LRRC75A: variants seen among roughly 807,000 people sequenced by gnomAD.
The protein encoded by LRRC75A is leucine rich repeat containing 75A, also known as leucine-rich repeat-containing protein 75A.
LRRC75A carries 12 observed loss-of-function variants against 26.0 expected under a neutral mutation model. The ratio of observed to expected loss-of-function variants is 0.46; its 90% confidence interval spans 0.30 to 0.75. The LOEUF is 0.75. Ranked by LOEUF, LRRC75A falls within the 30% of genes least tolerant of loss-of-function variation. The pLI is 0.08. For synonymous variants in LRRC75A, 223 were observed against 219.3 expected (o/e 1.02, Z -0.15); for missense variants, 410 against 486.6 (o/e 0.84, Z 1.48).
intron 1 of LRRC75A, among the ~76,000 whole-genome samples, chr17:16,485,066 T>C (rs1231096553): frequency 6.8e-6 from 1 of 147,420 alleles, no homozygotes; most frequent in East Asian, 2.0e-4. Flanking sequence ...TAGGAGGGGG[T>C]CCCCGCCCCT....
intron 2 of LRRC75A, among the ~76,000 whole-genome samples, chr17:16,453,005 T>C (rs8082268): frequency 0.61 from 92,218 of 151,774 alleles, 28,693 homozygotes; most frequent in Non-Finnish European, 0.66. Flanking sequence ...AAGAAGAGAA[T>C]AGAGGCCGGG....
In LRRC75A at chr17:16,450,786, G is replaced by C. The variant is rs538481735; in HGVS notation, c.376-2826C>G. 5.8e-4 allele frequency among the ~76,000 whole-genome samples: 88 copies of C among 152,328 alleles called. 1 individual carries two copies. The highest frequency in any genetic ancestry group is 2.0e-3 in the African/African-American group (84 of 41,568). ...TGGAGAGAGGGGTGGACAGGAGGTGGAGAGGATGACTCAGGGCCAGGCTAT... is the reference window on the plus strand; with the variant it reads ...TGGAGAGAGGGGTGGACAGGAGGTGCAGAGGATGACTCAGGGCCAGGCTAT... On this transcript the variant is annotated intron_variant, in intron 2 of 3. Transcript: ENST00000470794.
Position 16,447,870 on chromosome 17 carries a change from G to GC in LRRC75A, c.465dup (p.Leu156AlafsTer97), listed in dbSNP as rs1225608556. Reference sequence around the variant, plus strand: ...CAGGCCTGTGGCTTCCTTTTCACCAGCCCCCGGTGCCGCCTCCACTGGGAG... The same window carrying GC: ...CAGGCCTGTGGCTTCCTTTTCACCAGCCCCCCGGTGCCGCCTCCACTGGGAG... On this transcript the variant is annotated frameshift_variant, in exon 3 of 4. Transcript: ENST00000470794. LOFTEE classifies it high-confidence loss of function. 7.1e-6 allele frequency: 11 copies of GC among 1,548,712 alleles called. No individual in the cohort carries two copies. The highest frequency in any genetic ancestry group is 9.6e-6 in the Non-Finnish European group (11 of 1,146,146).
chr17:16,453,699 C>T (rs1014955180), intron 2 of LRRC75A, among the ~76,000 whole-genome samples: 5 of 152,164 alleles, frequency 3.3e-5, no homozygotes, highest in Non-Finnish European at 7.3e-5. Flanking sequence ...GAACACAATT[C>T]CAAAGCATGG....
In LRRC75A at chr17:16,491,663, C is replaced by T. The variant is rs1475290784; in HGVS notation, c.246+82G>A. 2.0e-5 allele frequency: 21 copies of T among 1,070,702 alleles called. No individual in the cohort carries two copies. In the East Asian group the frequency reaches 7.7e-4, roughly 39 times the overall value. 66.3% of individuals were successfully genotyped at this position (1,070,702 alleles called of 1,614,324 possible). ...GGTGCCCCTCGGTGCCCCCGGCTTC[C>T]TCGGTTAGGGATGGGGCGCCCCCCC... is the stretch of plus-strand genomic sequence containing the variant. On this transcript the variant is annotated intron_variant, in intron 1 of 3. Coordinates refer to ENST00000470794, the MANE Select transcript of LRRC75A (RefSeq NM_001113567.3). This position sits in a 1 kb window ranked among gnomAD's most constrained non-coding sequence, Gnocchi z 5.9.
chr17:16,472,904 G>C (rs1204732226), intron 1 of LRRC75A, among the ~76,000 whole-genome samples: 1 of 152,094 alleles, frequency 6.6e-6, no homozygotes, highest in African/African-American at 2.4e-5. Context: ...ATAAACTTAA[G>C]AACACTGGTT....
intron 2 of LRRC75A, among the ~76,000 whole-genome samples, chr17:16,454,052 C>T (rs1459832701): frequency 6.6e-6 from 1 of 152,202 alleles, no homozygotes; most frequent in Non-Finnish European, 1.5e-5. Flanking sequence ...TTTGTCCAAT[C>T]GCATTTCTAC....
chr17:16,460,020 C>A (rs192935631), intron 2 of LRRC75A, among the ~76,000 whole-genome samples: 13 of 152,268 alleles, frequency 8.5e-5, no homozygotes, highest in Admixed American at 7.2e-4. Context: ...CGTGTTGAAA[C>A]CTAATCCCCA....
At chr17:16,456,483 GGAGGAA>G (rs1295715351) in intron 2 of LRRC75A, among the ~76,000 whole-genome samples, 8 of 151,488 alleles carry the variant, frequency 5.3e-5, no homozygotes, top group East Asian at 3.9e-4. Flanking sequence ...AAGAAGAGGA[GGAGGAA>G]GAGGAAGAGG....
At chr17:16,452,555 A>G (rs2093641648) in intron 2 of LRRC75A, among the ~76,000 whole-genome samples, 1 of 151,648 alleles carries the variant, frequency 6.6e-6, no homozygotes, top group African/African-American at 2.4e-5. Flanking sequence ...CTCCTGCTTC[A>G]GCCTCCCAAG....
chr17:16,472,152 G>A (rs904508632), intron 1 of LRRC75A, among the ~76,000 whole-genome samples: 6 of 152,036 alleles, frequency 3.9e-5, no homozygotes, highest in Non-Finnish European at 7.4e-5. Context: ...CTCATCAGCC[G>A]GCACTGCTGA....
At chr17:16,483,549 G>A (rs934923841) in intron 1 of LRRC75A, among the ~76,000 whole-genome samples, 2 of 152,182 alleles carry the variant, frequency 1.3e-5, no homozygotes, top group African/African-American at 4.8e-5. Flanking sequence ...GGAATGAATG[G>A]GTCTTTCCAA....
At chr17:16,456,547 C>T (rs2093687079) in intron 2 of LRRC75A, among the ~76,000 whole-genome samples, 1 of 152,146 alleles carries the variant, frequency 6.6e-6, no homozygotes, top group Admixed American at 6.5e-5. Flanking sequence ...CTAACTCCTC[C>T]AGTGGCTGGA....
Position 16,491,875 on chromosome 17 carries a change from T to C in LRRC75A, c.116A>G (p.Asp39Gly). Reference sequence around the variant, plus strand: ...CCCCGCGCCCGCGCGCCCCGCCTTGTCCCCGGCGCGCAGCAGCAGCGACGC... The same window carrying C: ...CCCCGCGCCCGCGCGCCCCGCCTTGCCCCCGGCGCGCAGCAGCAGCGACGC... ...FWASLLLRAG[D>G]KAGRAGAGMP... Residue 39 changes from aspartate to glycine, a missense_variant, in exon 1 of 4, where the codon GAC becomes GGC. Physicochemically the swap from Asp to Gly is moderately conservative, Grantham distance 94. Transcript: ENST00000470794. This position sits in a 1 kb window ranked among gnomAD's most constrained non-coding sequence, Gnocchi z 5.9. 2 of 1,371,012 alleles carry C rather than the reference T, an allele frequency of 1.5e-6. No individual in the cohort carries two copies. The highest frequency in any genetic ancestry group is 6.6e-5 in the East Asian group (2 of 30,264). 84.9% of individuals were successfully genotyped at this position (1,371,012 alleles called of 1,614,324 possible).
At chr17:16,478,187 TTTTC>T (rs2093825565) in intron 1 of LRRC75A, among the ~76,000 whole-genome samples, 1 of 151,160 alleles carries the variant, frequency 6.6e-6, no homozygotes, top group South Asian at 2.1e-4. Flanking sequence ...TCTTCTTTTT[TTTTC>T]TTTTTTTTTT....
chr17:16,477,001 GT>G, intron 1 of LRRC75A, among the ~76,000 whole-genome samples: 1 of 152,032 alleles, frequency 6.6e-6, no homozygotes, highest in Non-Finnish European at 1.5e-5. Flanking sequence ...GCCTCCCAAA[GT>G]GCTGGGATTA....
Position 16,442,918 on chromosome 17 carries a change from C to A in LRRC75A, c.*670G>T, listed in dbSNP as rs1229166383. On this transcript the variant is annotated 3_prime_UTR_variant, in exon 4 of 4. Coordinates refer to ENST00000470794, the MANE Select transcript of LRRC75A (RefSeq NM_001113567.3). The stretch of plus-strand genomic sequence containing the variant: ...ATGCCTGTATGCATGGGCACCATGT[C>A]TGTCCTGAGCACTACCACATGGCAT... 6.6e-6 allele frequency: 1 copy of A among 152,286 alleles called. No homozygotes were observed. Among genetic ancestry groups the A allele is most frequent in the Non-Finnish European group, 1.5e-5 (1 of 68,072 alleles). The allele number at this position is 152,286 out of a possible 1,614,324, so 9.4% of individuals were successfully genotyped here.
At position 16,465,115 on chromosome 17, in the gene LRRC75A, C is replaced by T. The variant is rs1301325018; in HGVS notation, c.247-2729G>A. Among the ~76,000 whole-genome samples the T allele has an allele frequency of 6.6e-5, 10 of 152,206 alleles. No homozygotes were observed. The East Asian group carries it at 1.2e-3, about 18-fold the overall frequency. On this transcript the variant is annotated intron_variant, in intron 1 of 3. Transcript: ENST00000470794. ...CATGGAGCTATTTTTCTTTTACACT[C>T]GGTCGAGCAGGCTGGGCTGCTCCTC...
intron 1 of LRRC75A, among the ~76,000 whole-genome samples, chr17:16,474,441 T>C (rs1370992160): frequency 6.6e-6 from 1 of 152,218 alleles, no homozygotes; most frequent in Admixed American, 6.5e-5. Context: ...CCCAGATTTA[T>C]TTCCCAAGCA....
Sources: gnomAD v4.1 joint callset for allele counts (sites outside exome capture counted in the v4.1 genomes callset) on GRCh38, gnomAD v4.1.1 for gene constraint, Gnocchi (gnomAD v3.1) non-coding constraint, MANE v1.5 for transcripts, NCBI Gene and HGNC (gene_info 2026-07-23, HGNC 2026-07-21) for gene names.